Variants in TIMP2 observed in about 807,000 individuals in gnomAD.
TIMP2 encodes TIMP metallopeptidase inhibitor 2, also known as metalloproteinase inhibitor 2.
Under a neutral mutation model 24.3 loss-of-function variants are expected in TIMP2, and 5 were observed. That is an observed-to-expected ratio of 0.21 (90% CI 0.11 to 0.43). The LOEUF is 0.43. Ranked by LOEUF, TIMP2 falls within the 20% of genes least tolerant of loss-of-function variation. The pLI is 1.00. For missense variants in TIMP2, 221 were observed against 297.5 expected (o/e 0.74, Z 1.89); for synonymous variants, 130 against 123.2 (o/e 1.06, Z -0.37).
intron 1 of TIMP2, among the ~76,000 whole-genome samples, chr17:78,883,871 C>G (rs938568315): frequency 1.3e-5 from 2 of 152,206 alleles, no homozygotes; most frequent in African/African-American, 4.8e-5. Flanking sequence ...GACCTCGGGG[C>G]CCACGTCCCG....
rs906087646 is a variant in TIMP2 at position 78,918,060 on chromosome 17, A to G, written c.130+6899T>C. Among the ~76,000 whole-genome samples, 49 of 113,944 alleles carry G rather than the reference A, an allele frequency of 4.3e-4. 1 individual carries two copies. Among genetic ancestry groups the G allele is most frequent in the African/African-American group, 1.2e-3 (26 of 22,246 alleles). 74.8% of individuals were successfully genotyped at this position (113,944 alleles called of 152,430 possible). A position where few individuals can be genotyped will look rare whatever the true frequency, so the allele number is the denominator to read the frequency against. On this transcript the variant is annotated intron_variant, in intron 1 of 4. Transcript: ENST00000262768. ...ACAAAAAAAACACGTACGCGTGCAC[A>G]CACAAACACACACACACACACACAC...
chr17:78,910,752 G>A lies in TIMP2; in HGVS notation c.130+14207C>T, dbSNP rs57140896. ...CTTAACGTCTTCCAGTTCCATTCAT[G>A]TTGCTGCAAATGACAAGATTTCATT... On this transcript the variant is annotated intron_variant, in intron 1 of 4. Transcript: ENST00000262768. Among the ~76,000 whole-genome samples the A allele has an allele frequency of 2.0e-3, 307 of 152,216 alleles. 9 individuals are homozygous for A. The East Asian group carries it at 0.05, about 25-fold the overall frequency.
chr17:78,890,562 G>T, intron 1 of TIMP2: 1 of 1,450,310 alleles, frequency 6.9e-7, no homozygotes, highest in Non-Finnish European at 9.3e-7. Context: ...CGCAAACACA[G>T]ATCTTAGAGA....
intron 1 of TIMP2, among the ~76,000 whole-genome samples, chr17:78,905,642 C>T (rs1439119964): frequency 6.6e-6 from 1 of 152,228 alleles, no homozygotes; most frequent in East Asian, 1.9e-4. Context: ...CTCGTCAGGT[C>T]TTTTCTGGAC....
At chr17:78,860,864 C>T (rs994199879) in intron 3 of TIMP2, among the ~76,000 whole-genome samples, 12 of 151,886 alleles carry the variant, frequency 7.9e-5, no homozygotes, top group Middle Eastern at 3.4e-3. Flanking sequence ...GGTGAAACCC[C>T]GTCTCTACTA....
intron 1 of TIMP2, chr17:78,899,646 A>G (rs1390700644): frequency 6.6e-6 from 1 of 152,230 alleles, no homozygotes; most frequent in Non-Finnish European, 1.5e-5. Flanking sequence ...GGAACGCTGC[A>G]CACCAGACAG....
intron 1 of TIMP2, chr17:78,901,837 G>C: frequency 1.4e-6 from 1 of 709,346 alleles, no homozygotes; most frequent in Non-Finnish European, 2.6e-6. Flanking sequence ...ATTACAGGGA[G>C]GCAGAAGCTG....
intron 1 of TIMP2, among the ~76,000 whole-genome samples, chr17:78,910,529 CTA>C (rs2070198494): frequency 6.6e-6 from 1 of 152,094 alleles, no homozygotes; most frequent in Non-Finnish European, 1.5e-5. Context: ...ACATGGAACA[CTA>C]TAACTCATTC....
At chr17:78,857,746 C>T in intron 3 of TIMP2, 100 bp from the exon 4 acceptor site, 1 of 1,488,016 alleles carries the variant, frequency 6.7e-7, no homozygotes, top group South Asian at 1.2e-5. Context: ...TTCGTTGCAA[C>T]AATCCTGTGC....
rs1302321494 is a variant in TIMP2 at position 78,891,742 on chromosome 17, G to A, written c.131-17823C>T. The A allele has an allele frequency of 1.3e-6, 2 of 1,551,206 alleles. No homozygotes were observed. The highest frequency in any genetic ancestry group is 4.9e-5 in the East Asian group (2 of 40,900). On this transcript the variant is annotated intron_variant, in intron 1 of 4. Coordinates refer to ENST00000262768, the MANE Select transcript of TIMP2 (RefSeq NM_003255.5). The surrounding 1 kb of genome is among the most constrained non-coding windows in gnomAD (Gnocchi z 4.5). The stretch of plus-strand genomic sequence containing the variant: ...TTTCTCCCACAGCAGCCACGAGTGG[G>A]TTTGACCTTTCTAGGTCCGCCCCTT...
intron 1 of TIMP2, among the ~76,000 whole-genome samples, chr17:78,887,231 G>A (rs2069832620): frequency 6.6e-6 from 1 of 152,174 alleles, no homozygotes; most frequent in Non-Finnish European, 1.5e-5. Flanking sequence ...TGCACTTGGG[G>A]TCCCACTGAG....
At chr17:78,865,017 G>T (rs1261563396) in intron 3 of TIMP2, among the ~76,000 whole-genome samples, 1 of 152,120 alleles carries the variant, frequency 6.6e-6, no homozygotes. Context: ...TCGCGCCACT[G>T]CACTCCAGCC....
At chr17:78,914,646 G>C (rs2070240254) in intron 1 of TIMP2, among the ~76,000 whole-genome samples, 1 of 151,772 alleles carries the variant, frequency 6.6e-6, no homozygotes, top group South Asian at 2.1e-4. Flanking sequence ...TACAACCATA[G>C]CTCACTGCAG....
At chr17:78,867,916 G>C (rs894658404) in intron 3 of TIMP2, among the ~76,000 whole-genome samples, 1 of 151,602 alleles carries the variant, frequency 6.6e-6, no homozygotes, top group Non-Finnish European at 1.5e-5. Context: ...CACCTTCTAA[G>C]CATTCACTTA....
rs1258363516 is a variant in TIMP2, at chr17:78,896,469, A to T, written c.131-22550T>A. On this transcript the variant is annotated intron_variant, in intron 1 of 4. Coordinates refer to ENST00000262768, the MANE Select transcript of TIMP2 (RefSeq NM_003255.5). This position sits in a 1 kb window ranked among gnomAD's most constrained non-coding sequence, Gnocchi z 4.4. Reference sequence around the variant, plus strand: ...CATGGTTCCAATCAGGGCCCTCGCTACAGCTCCCCTCCCAGAGGCACCTGC... The same window carrying T: ...CATGGTTCCAATCAGGGCCCTCGCTTCAGCTCCCCTCCCAGAGGCACCTGC... Among the ~76,000 whole-genome samples, 1 of 152,152 alleles carries T rather than the reference A, an allele frequency of 6.6e-6. No homozygotes were observed. The highest frequency in any genetic ancestry group is 1.5e-5 in the Non-Finnish European group (1 of 68,020).
chr17:78,870,431 AAG>A (rs748399020), intron 3 of TIMP2, among the ~76,000 whole-genome samples: 2,508 of 139,368 alleles, frequency 0.018, 94 homozygotes, highest in African/African-American at 0.041. Flanking sequence ...AAAAGAAAGA[AAG>A]AAAGAAAGAA....
At chr17:78,857,762 C>T in intron 3 of TIMP2, 116 bp from the exon 4 acceptor site, 1 of 1,398,538 alleles carries the variant, frequency 7.2e-7, no homozygotes, top group Non-Finnish European at 9.7e-7. Context: ...TGTGCACTGT[C>T]TATTCTGAGT....
intron 1 of TIMP2, among the ~76,000 whole-genome samples, chr17:78,907,540 A>G (rs1444644526): frequency 6.6e-6 from 1 of 152,190 alleles, no homozygotes; most frequent in Non-Finnish European, 1.5e-5. Flanking sequence ...CAGTAACGCC[A>G]AAGACCACTG....
At chr17:78,916,321 C>T (rs2070257419) in intron 1 of TIMP2, among the ~76,000 whole-genome samples, 1 of 152,206 alleles carries the variant, frequency 6.6e-6, no homozygotes, top group Admixed American at 6.5e-5. Flanking sequence ...CTCGCTACTG[C>T]TGGCTCCCTT....
Sources: allele counts gnomAD v4.1 joint callset (sites outside exome capture counted in the v4.1 genomes callset), GRCh38; gene constraint gnomAD v4.1.1; non-coding constraint Gnocchi (gnomAD v3.1); transcripts MANE v1.5; gene names NCBI Gene and HGNC (gene_info 2026-07-23, HGNC 2026-07-21).